CNTNAP2: variants seen among roughly 807,000 people sequenced by gnomAD.
CNTNAP2 encodes the protein contactin associated protein 2, also known as contactin-associated protein-like 2.
CNTNAP2 carries 98 observed loss-of-function variants against 155.2 expected under a neutral mutation model. That is an observed-to-expected ratio of 0.63 (90% confidence interval 0.54 to 0.75). CNTNAP2 has a LOEUF of 0.75. Ranked by LOEUF, CNTNAP2 falls within the 30% of genes least tolerant of loss-of-function variation. The pLI, the probability that CNTNAP2 is intolerant of heterozygous loss-of-function variation, is 0.00. For synonymous variants in CNTNAP2, 651 were observed against 631.2 expected (o/e 1.03, Z -0.47); for missense variants, 1,727 against 1,688.1 (o/e 1.02, Z -0.40).
chr7:146,550,406 T>TTTTTTTG (rs1798099257), intron 1 of CNTNAP2, among the ~76,000 whole-genome samples: 1 of 104,948 alleles, frequency 9.5e-6, no homozygotes, highest in African/African-American at 3.2e-5. Context: ...AATCTGTTTT[T>TTTTTTTG]TTTTTTTTTT....
intron 3 of CNTNAP2, among the ~76,000 whole-genome samples, chr7:146,873,575 T>G (rs971941991): frequency 3.9e-5 from 6 of 152,104 alleles, no homozygotes; most frequent in African/African-American, 1.2e-4. Flanking sequence ...GGGTAAGAAG[T>G]GGGCTCCTAG....
At chr7:147,704,946 T>A (rs535829773) in intron 13 of CNTNAP2, among the ~76,000 whole-genome samples, 1 of 152,114 alleles carries the variant, frequency 6.6e-6, no homozygotes, top group South Asian at 2.1e-4. Flanking sequence ...ATTTTTTTAT[T>A]TGGGTCTTCT....
Position 147,043,988 on chromosome 7 carries a change from G to C in CNTNAP2, c.484G>C (p.Val162Leu). The C allele has an allele frequency of 6.2e-7, 1 of 1,614,196 alleles. No individual in the cohort carries two copies. Among genetic ancestry groups the C allele is most frequent in the Middle Eastern group, 1.6e-4 (1 of 6,062 alleles). The part of the protein sequence containing the change: ...HPIIARYVRI[V>L]PLDWNGEGRI... ...GATTATTGCCCGCTATGTGCGCATA[G>C]TGCCTCTGGATTGGAATGGAGAAGG... Residue 162 changes from valine to leucine, a missense_variant, in exon 4 of 24, where the codon GTG becomes CTG. Coordinates refer to ENST00000361727, the MANE Select transcript of CNTNAP2 (RefSeq NM_014141.6).
At chr7:148,155,639 C>G (rs1450068105) in intron 17 of CNTNAP2, among the ~76,000 whole-genome samples, 1 of 152,128 alleles carries the variant, frequency 6.6e-6, no homozygotes, top group African/African-American at 2.4e-5. Context: ...TTGAAAAAGC[C>G]ATTCCTGGGT....
At chr7:147,353,146 C>CAT (rs777357161) in intron 9 of CNTNAP2, among the ~76,000 whole-genome samples, 15 of 148,552 alleles carry the variant, frequency 1.0e-4, no homozygotes, top group East Asian at 3.9e-4. Flanking sequence ...CGTATATGTA[C>CAT]ATATATATAT....
chr7:147,614,156 G>A (rs550060106), intron 12 of CNTNAP2, among the ~76,000 whole-genome samples: 1 of 152,242 alleles, frequency 6.6e-6, no homozygotes, highest in Admixed American at 6.5e-5. Context: ...TAGGCCAATT[G>A]TCTCTGCATT....
At chr7:147,823,562 A>G (rs1381277304) in intron 13 of CNTNAP2, among the ~76,000 whole-genome samples, 1 of 152,114 alleles carries the variant, frequency 6.6e-6, no homozygotes, top group Non-Finnish European at 1.5e-5. Context: ...TTTTTGCCTA[A>G]AGAAGTTGGA....
intron 9 of CNTNAP2, among the ~76,000 whole-genome samples, chr7:147,300,990 A>T (rs930417991): frequency 6.6e-6 from 1 of 152,130 alleles, no homozygotes; most frequent in Non-Finnish European, 1.5e-5. Context: ...TTAAAATATA[A>T]TCCAATTTAG....
At chr7:146,511,100 A>T (rs1797458967) in intron 1 of CNTNAP2, among the ~76,000 whole-genome samples, 5 of 152,030 alleles carry the variant, frequency 3.3e-5, no homozygotes, top group Admixed American at 3.3e-4. Flanking sequence ...GGGTTTCACC[A>T]TGTTAGCCAG....
At chr7:146,166,498 G>A (rs1199153745) in intron 1 of CNTNAP2, among the ~76,000 whole-genome samples, 1 of 152,086 alleles carries the variant, frequency 6.6e-6, no homozygotes, top group Non-Finnish European at 1.5e-5. Context: ...AGACTCAGCA[G>A]TAATAACATT....
intron 1 of CNTNAP2, among the ~76,000 whole-genome samples, chr7:146,337,314 AC>A (rs748096419): frequency 1.6e-4 from 25 of 151,988 alleles, no homozygotes; most frequent in African/African-American, 4.6e-4. Flanking sequence ...AAAAAAAAAA[AC>A]AAACTACGTA....
chr7:147,073,176 T>G lies in CNTNAP2; in HGVS notation c.550+29122T>G, dbSNP rs189406710. Among the ~76,000 whole-genome samples, 567 of 151,226 alleles carry G rather than the reference T, an allele frequency of 3.7e-3. 7 individuals carry two copies. The highest frequency in any genetic ancestry group is 3.3e-3 in the Non-Finnish European group (224 of 67,878). Reference sequence around the variant, plus strand: ...AAGTTCAGGACTACATATGCAGGTTTGTTTTATGGATAAGAAAATGTGGTA... The same window carrying G: ...AAGTTCAGGACTACATATGCAGGTTGGTTTTATGGATAAGAAAATGTGGTA... On this transcript the variant is annotated intron_variant, in intron 4 of 23. Coordinates refer to ENST00000361727, the MANE Select transcript of CNTNAP2 (RefSeq NM_014141.6).
chr7:146,674,917 G>GTT (rs1800371579), intron 1 of CNTNAP2, among the ~76,000 whole-genome samples: 1 of 152,162 alleles, frequency 6.6e-6, no homozygotes, highest in Non-Finnish European at 1.5e-5. Flanking sequence ...ACAGGTATAA[G>GTT]TTTCCTTTAC....
At chr7:148,091,979 G>A (rs1257213405) in intron 15 of CNTNAP2, among the ~76,000 whole-genome samples, 2 of 152,180 alleles carry the variant, frequency 1.3e-5, no homozygotes, top group Non-Finnish European at 2.9e-5. Context: ...CAGGAAGGAG[G>A]TAATTTGCTG....
At chr7:147,739,775 A>G (rs1156963293) in intron 13 of CNTNAP2, among the ~76,000 whole-genome samples, 3 of 152,162 alleles carry the variant, frequency 2.0e-5, no homozygotes, top group Admixed American at 6.5e-5. Context: ...TGTATCATCA[A>G]TATCATCAAT....
Position 146,181,993 on chromosome 7 carries a change from C to T in CNTNAP2, c.97+65020C>T, listed in dbSNP as rs182519471. The stretch of plus-strand genomic sequence containing the variant: ...GCTTATATTCCCATTCTTATTATTT[C>T]TGGAATATATTTTAATGTCCAGGTT... On this transcript the variant is annotated intron_variant, in intron 1 of 23. Coordinates refer to ENST00000361727, the MANE Select transcript of CNTNAP2 (RefSeq NM_014141.6). Among the ~76,000 whole-genome samples the T allele has an allele frequency of 2.3e-4, 35 of 152,042 alleles. 1 individual carries two copies. The highest frequency in any genetic ancestry group is 7.7e-4 in the African/African-American group (32 of 41,482).
At chr7:146,609,975 G>A (rs1168684866) in intron 1 of CNTNAP2, among the ~76,000 whole-genome samples, 1 of 152,172 alleles carries the variant, frequency 6.6e-6, no homozygotes, top group Non-Finnish European at 1.5e-5. Context: ...CAGAAACTCT[G>A]AGGGCAGAGC....
intron 1 of CNTNAP2, among the ~76,000 whole-genome samples, chr7:146,648,912 A>G (rs189771705): frequency 6.6e-6 from 1 of 152,232 alleles, no homozygotes; most frequent in African/African-American, 2.4e-5. Context: ...ATAATTCCCA[A>G]TTTAATCATA....
rs368515450 is a variant in CNTNAP2 at position 146,634,823 on chromosome 7, A to G, written c.98-139448A>G. 2.4e-4 allele frequency among the ~76,000 whole-genome samples: 36 copies of G among 152,340 alleles called. No homozygotes were observed. The South Asian group carries it at 7.2e-3, about 31-fold the overall frequency. ...AATAATTTCTTAAAATCGCAAACTC[A>G]GGGACTGCAATGTTTTTTGTCACTC... On this transcript the variant is annotated intron_variant, in intron 1 of 23. Transcript: ENST00000361727.
Sources: gnomAD v4.1 joint callset for allele counts (sites outside exome capture counted in the v4.1 genomes callset) on GRCh38, gnomAD v4.1.1 for gene constraint, MANE v1.5 for transcripts, NCBI Gene and HGNC (gene_info 2026-07-23, HGNC 2026-07-21) for gene names.